The following AKR1B15 variants were observed in gnomAD, a reference collection of about 807,000 sequenced individuals.
AKR1B15 encodes estradiol 17-beta-dehydrogenase AKR1B15.
A neutral mutation model predicts 38.5 loss-of-function variants in AKR1B15; 49 were observed. The ratio of observed to expected loss-of-function variants is 1.27; its 90% CI spans 1.01 to 1.62. The LOEUF (loss-of-function observed/expected upper bound fraction) is 1.62, where lower values mean the gene tolerates loss of function less well. Among genes scored for constraint, AKR1B15 ranks in the 40% most tolerant of loss-of-function variants. AKR1B15 has a pLI of 0.00. For missense variants in AKR1B15, 411 were observed against 381.6 expected (o/e 1.08, Z -0.64); for synonymous variants, 137 against 135.5 (o/e 1.01, Z -0.08).
chr7:134,555,164 C>CAGTACCTGCAGTCTCTCCAA (rs1317132863), intron 1 of AKR1B15, among the ~76,000 whole-genome samples: 2 of 152,182 alleles, frequency 1.3e-5, no homozygotes, highest in South Asian at 4.1e-4. Context: ...TAACTTGTTA[C>CAGTACCTGCAGTCTCTCCAA]AGTACCTGCA....
chr7:134,553,038 C>G (rs550983540), intron 1 of AKR1B15, among the ~76,000 whole-genome samples: 2 of 134,876 alleles, frequency 1.5e-5, no homozygotes, highest in South Asian at 4.6e-4. Context: ...GTATCAGGTC[C>G]CAGCCAAGAA....
intron 4 of AKR1B15, among the ~76,000 whole-genome samples, chr7:134,568,646 G>A (rs1409696562): frequency 1.3e-5 from 2 of 152,176 alleles, no homozygotes; most frequent in Non-Finnish European, 2.9e-5. Context: ...GGCTTGATAT[G>A]AAGCCTCCCT....
At chr7:134,563,899 G>T (rs1259022520) in intron 2 of AKR1B15, among the ~76,000 whole-genome samples, 1 of 152,166 alleles carries the variant, frequency 6.6e-6, no homozygotes, top group Non-Finnish European at 1.5e-5. Flanking sequence ...ATGGGAAAAT[G>T]AAAACGACAA....
At chr7:134,579,483 T>C in intron 11 of AKR1B15, 24 bp from the exon 12 acceptor site, 1 of 1,543,796 alleles carries the variant, frequency 6.5e-7, no homozygotes. Context: ...CACAGTTTCT[T>C]TTTTTTTTTC....
intron 3 of AKR1B15, among the ~76,000 whole-genome samples, chr7:134,565,985 C>T (rs979077769): frequency 6.6e-5 from 10 of 152,112 alleles, no homozygotes; most frequent in Non-Finnish European, 1.2e-4. Context: ...TCCCTATGAC[C>T]TGGGAGCTTG....
In AKR1B15 at chr7:134,560,420, G is replaced by C. The variant is rs560455056; in HGVS notation, c.-23+3561G>C. ...GCTGATACCACGTGGTTCTGAGATC[G>C]GCTTATCAGCTGATTCCTGCCCAAA... is the stretch of plus-strand genomic sequence containing the variant. On this transcript the variant is annotated intron_variant, in intron 2 of 11. Transcript: ENST00000457545. Among the ~76,000 whole-genome samples the C allele has an allele frequency of 5.3e-5, 8 of 152,250 alleles. No individual in the cohort carries two copies. In the South Asian group the frequency reaches 1.7e-3, roughly 32 times the overall value.
intron 1 of AKR1B15, among the ~76,000 whole-genome samples, chr7:134,555,410 A>C (rs892279536): frequency 6.6e-6 from 1 of 152,122 alleles, no homozygotes; most frequent in Non-Finnish European, 1.5e-5. Flanking sequence ...TCATTCTCGC[A>C]TCAAAAAGGC....
At chr7:134,565,327 A>G (rs1427822039) in intron 3 of AKR1B15, 21 of 1,275,700 alleles carry the variant, frequency 1.6e-5, no homozygotes, top group Non-Finnish European at 2.2e-5. Context: ...AACTCCAGAC[A>G]CAACATCTTT....
chr7:134,563,010 C>T (rs879746007), intron 2 of AKR1B15, among the ~76,000 whole-genome samples: 8 of 151,488 alleles, frequency 5.3e-5, no homozygotes, highest in Non-Finnish European at 1.2e-4. Flanking sequence ...TCCCTCCCTC[C>T]CCCAACTCTT....
At chr7:134,565,493 G>A (rs770856529) in intron 3 of AKR1B15, 9 of 1,613,720 alleles carry the variant, frequency 5.6e-6, no homozygotes, top group Non-Finnish European at 7.6e-6. Context: ...GGCCACGTTT[G>A]TGGAGCTCAG....
chr7:134,556,308 C>T (rs978694753), intron 1 of AKR1B15, among the ~76,000 whole-genome samples: 1 of 152,190 alleles, frequency 6.6e-6, no homozygotes, highest in African/African-American at 2.4e-5. Flanking sequence ...CCTCCTTAAT[C>T]TCACCAAGCC....
intron 5 of AKR1B15, 143 bp from the exon 6 acceptor site, chr7:134,571,460 AC>A: frequency 1.4e-6 from 1 of 689,800 alleles, no homozygotes; most frequent in Non-Finnish European, 2.6e-6. Flanking sequence ...ATTTAAACTC[AC>A]ATTCTTGTAG....
At chr7:134,570,575 C>G (rs752220489) in intron 5 of AKR1B15, 1 of 152,080 alleles carries the variant, frequency 6.6e-6, no homozygotes, top group Non-Finnish European at 1.5e-5. Flanking sequence ...TTTCTCAGAC[C>G]AGCCAACACT....
At chr7:134,558,997 G>A (rs912482105) in intron 2 of AKR1B15, among the ~76,000 whole-genome samples, 8 of 152,042 alleles carry the variant, frequency 5.3e-5, no homozygotes, top group Non-Finnish European at 1.2e-4. Flanking sequence ...GAAAGAGGAT[G>A]GACTCATCAC....
At chr7:134,552,178 G>C (rs575860686) in intron 1 of AKR1B15, among the ~76,000 whole-genome samples, 1 of 152,078 alleles carries the variant, frequency 6.6e-6, no homozygotes, top group Admixed American at 6.5e-5. Context: ...CTCCCTCCTC[G>C]GATGAGACCT....
At chr7:134,551,625 G>A (rs2117590398) in intron 1 of AKR1B15, among the ~76,000 whole-genome samples, 1 of 152,310 alleles carries the variant, frequency 6.6e-6, no homozygotes, top group East Asian at 1.9e-4. Flanking sequence ...TCAGGCAGCT[G>A]AAAGGGCTGC....
At position 134,579,710 on chromosome 7, in the gene AKR1B15, G is replaced by C. The variant is rs968401741; in HGVS notation, c.*161G>C. ...GGTGCTGTTTTAGACATGTATTTCT[G>C]TATGTTCAACTAGGATAAGAATATC... is the stretch of plus-strand genomic sequence containing the variant. On this transcript the variant is annotated 3_prime_UTR_variant, in exon 12 of 12. Transcript: ENST00000457545. 6.6e-5 allele frequency: 38 copies of C among 576,448 alleles called. No homozygotes were observed. In the Admixed American group the frequency reaches 1.2e-3, roughly 18 times the overall value. 35.7% of individuals were successfully genotyped at this position (576,448 alleles called of 1,614,324 possible).
chr7:134,568,067 T>C lies in AKR1B15; in HGVS notation c.151-91T>C. 6.7e-6 allele frequency: 10 copies of C among 1,496,328 alleles called. 1 individual carries two copies. The South Asian group carries it at 1.1e-4, about 16-fold the overall frequency. The allele number at this position is 1,496,328 out of a possible 1,614,324, so 92.7% of individuals were successfully genotyped here. A position where few individuals can be genotyped will look rare whatever the true frequency, so the allele number is the denominator to read the frequency against. On this transcript the variant is annotated intron_variant, in intron 3 of 11. Coordinates refer to ENST00000457545, the MANE Select transcript of AKR1B15 (RefSeq NM_001080538.3). Reference sequence around the variant, plus strand: ...AGGAGTTGGGAGGATTGTTTGAACCTGGGAGTGTGAGGCCAGCCTGGGCAA... The same window carrying C: ...AGGAGTTGGGAGGATTGTTTGAACCCGGGAGTGTGAGGCCAGCCTGGGCAA...
chr7:134,552,947 C>A (rs950304686), intron 1 of AKR1B15, among the ~76,000 whole-genome samples: 1 of 152,126 alleles, frequency 6.6e-6, no homozygotes, highest in Admixed American at 6.5e-5. Context: ...AGTATGTAGA[C>A]GACCTGTTAT....
Sources: allele counts gnomAD v4.1 joint callset (sites outside exome capture counted in the v4.1 genomes callset), GRCh38; gene constraint gnomAD v4.1.1; transcripts MANE v1.5; gene names NCBI Gene and HGNC (gene_info 2026-07-23, HGNC 2026-07-21).